Variants in PTH2R observed in about 807,000 individuals in gnomAD.
PTH2R encodes the protein PTH2 receptor.
PTH2R carries 59 observed loss-of-function variants against 60.3 expected under a neutral mutation model. The observed-to-expected ratio is 0.98, with a 90% CI of 0.79 to 1.22. The LOEUF (loss-of-function observed/expected upper bound fraction) is 1.22, where lower values mean the gene tolerates loss of function less well. Ranked by LOEUF, PTH2R falls within the 50% of genes most tolerant of loss-of-function variation. The pLI is 0.00. For synonymous variants in PTH2R, 256 were observed against 243.8 expected (o/e 1.05, Z -0.47); for missense variants, 749 against 682.6 (o/e 1.10, Z -1.08).
intron 2 of PTH2R, among the ~76,000 whole-genome samples, chr2:208,432,007 T>C (rs1286884800): frequency 6.6e-6 from 1 of 152,222 alleles, no homozygotes; most frequent in Non-Finnish European, 1.5e-5. Flanking sequence ...TCTAATAGTG[T>C]CTGAAAAGGG....
At chr2:208,418,404 A>G (rs950497895) in intron 1 of PTH2R, among the ~76,000 whole-genome samples, 6 of 151,922 alleles carry the variant, frequency 3.9e-5, no homozygotes, top group Non-Finnish European at 7.4e-5. Context: ...AAATTTTATT[A>G]GTGAGTATAA....
chr2:208,414,343 A>C (rs1352536774), intron 1 of PTH2R, among the ~76,000 whole-genome samples: 1 of 152,190 alleles, frequency 6.6e-6, no homozygotes, highest in Non-Finnish European at 1.5e-5. Flanking sequence ...AATATAATTT[A>C]ATAAAAGTGG....
At chr2:208,456,450 T>C (rs1046366977) in intron 8 of PTH2R, among the ~76,000 whole-genome samples, 1 of 152,230 alleles carries the variant, frequency 6.6e-6, no homozygotes. Flanking sequence ...ACTTCTTTGC[T>C]GTATTTTTGT....
In PTH2R at chr2:208,481,050, A is replaced by T; in HGVS notation, c.982-20A>T. On this transcript the variant is annotated intron_variant, in intron 9 of 12. Transcript: ENST00000272847. ...TTGAAGACTAACAATAATTCTTTGTAATCTTACCTTCTTTTTCAGCTGAAT... is the reference window on the plus strand; with the variant it reads ...TTGAAGACTAACAATAATTCTTTGTTATCTTACCTTCTTTTTCAGCTGAAT... 6.7e-7 allele frequency: 1 copy of T among 1,492,070 alleles called. No homozygotes were observed. Among genetic ancestry groups the T allele is most frequent in the Non-Finnish European group, 9.3e-7 (1 of 1,078,396 alleles). The allele number at this position is 1,492,070 out of a possible 1,614,324, so 92.4% of individuals were successfully genotyped here.
chr2:208,456,120 T>C (rs1471008768), intron 8 of PTH2R, among the ~76,000 whole-genome samples: 1 of 152,002 alleles, frequency 6.6e-6, no homozygotes, highest in Non-Finnish European at 1.5e-5. Context: ...TGCGTGCCTG[T>C]AATTCCAAAT....
intron 5 of PTH2R, among the ~76,000 whole-genome samples, chr2:208,443,086 A>G (rs928789047): frequency 1.3e-5 from 2 of 152,244 alleles, no homozygotes; most frequent in East Asian, 1.9e-4. Flanking sequence ...ATCTATTTAC[A>G]TAGCATTCAC....
chr2:208,405,853 C>T (rs910745409), upstream of PTH2R, among the ~76,000 whole-genome samples: 1 of 152,140 alleles, frequency 6.6e-6, no homozygotes, highest in Non-Finnish European at 1.5e-5. Context: ...ATCCCTTCTG[C>T]CATGTGAGGT....
intron 2 of PTH2R, among the ~76,000 whole-genome samples, chr2:208,431,158 A>G (rs989145108): frequency 2.6e-5 from 4 of 152,064 alleles, no homozygotes; most frequent in African/African-American, 4.8e-5. Flanking sequence ...TTCTTCATAT[A>G]TATTTTCCAG....
At chr2:208,450,086 C>A (rs1247046148) in intron 7 of PTH2R, among the ~76,000 whole-genome samples, 3 of 152,112 alleles carry the variant, frequency 2.0e-5, no homozygotes, top group Non-Finnish European at 4.4e-5. Flanking sequence ...TACTGGGGGG[C>A]AAACGAAAGT....
In PTH2R at chr2:208,489,105, G is replaced by C. The variant is rs1559235240; in HGVS notation, c.1170G>C (p.Gly390=). The C allele has an allele frequency of 6.2e-7, 1 of 1,614,160 alleles. No homozygotes were observed. ...TGCCTCACTCCTTCACTGGGCTCGG[G>C]TGGGAGATCCGCATGCACTGTGAGC... ...VCLPHSFTGL[G]WEIRMHCELF... is the part of the protein sequence containing the mutation. The change falls in exon 11 of 13, where the codon GGG becomes GGC. Residue 390 remains glycine (G), a synonymous_variant. Transcript: ENST00000272847.
In PTH2R at chr2:208,493,865, A is replaced by G; in HGVS notation, c.*206A>G. 1 of 440,334 alleles carries G rather than the reference A, an allele frequency of 2.3e-6. No homozygotes were observed. The highest frequency in any genetic ancestry group is 3.6e-5 in the East Asian group (1 of 27,784). The allele number at this position is 440,334 out of a possible 1,614,324, so 27.3% of individuals were successfully genotyped here. ...TCAATGGAGTAGTTTATTACCTTCT[A>G]TTGGCATCAAGTTTTCCTCTAAATT... is the stretch of plus-strand genomic sequence containing the variant. On this transcript the variant is annotated 3_prime_UTR_variant, in exon 13 of 13. Transcript: ENST00000272847.
Position 208,493,564 on chromosome 2 carries a change from C to G in PTH2R, c.1558C>G (p.Gln520Glu). 3 of 1,613,474 alleles carry G rather than the reference C, an allele frequency of 1.9e-6. No individual in the cohort carries two copies. In the South Asian group the frequency reaches 3.3e-5, roughly 18 times the overall value. Residue 520 changes from glutamine (Q) to glutamate (E), a missense_variant, in exon 13 of 13, where the codon CAG becomes GAG. Coordinates refer to ENST00000272847, the MANE Select transcript of PTH2R (RefSeq NM_005048.4). ...HEETKEDSGRQGDDILMEKPS... is the reference protein window; with the variant it reads ...HEETKEDSGREGDDILMEKPS... ...GGAGACCAAGGAAGATAGTGGGAGG[C>G]AGGGAGATGATATTCTAATGGAGAA...
At chr2:208,476,611 A>C (rs985294338) in intron 9 of PTH2R, among the ~76,000 whole-genome samples, 1 of 152,240 alleles carries the variant, frequency 6.6e-6, no homozygotes, top group Non-Finnish European at 1.5e-5. Context: ...GCAAATAAAC[A>C]AAGCAAAAAA....
chr2:208,415,465 T>C (rs1701622510), intron 1 of PTH2R, among the ~76,000 whole-genome samples: 1 of 152,222 alleles, frequency 6.6e-6, no homozygotes, highest in African/African-American at 2.4e-5. Flanking sequence ...ACTTGACATA[T>C]TTCAAGTGCT....
intron 1 of PTH2R, among the ~76,000 whole-genome samples, chr2:208,410,772 G>A (rs575270275): frequency 6.6e-6 from 1 of 152,292 alleles, no homozygotes; most frequent in Admixed American, 6.5e-5. Flanking sequence ...TTGTGTGTGT[G>A]TGTGTGTGTC....
chr2:208,413,672 T>G (rs191989711), intron 1 of PTH2R, among the ~76,000 whole-genome samples: 1 of 152,358 alleles, frequency 6.6e-6, no homozygotes, highest in Admixed American at 6.5e-5. Flanking sequence ...GTTTTCTATG[T>G]GTTGCTGAAA....
Position 208,369,613 on chromosome 2 carries a change from C to G in PTH2R, c.-259+9376C>G, listed in dbSNP as rs945807003. ...CCTCAAGTGATCCGCCAGCCTCGGC[C>G]TCCCAAAGTGCTGGGATTACAAGCG... is the stretch of plus-strand genomic sequence containing the variant. On this transcript the variant is annotated intron_variant, in intron 1 of 12. Coordinates refer to the PTH2R transcript ENST00000617735. 1.3e-5 allele frequency among the ~76,000 whole-genome samples: 2 copies of G among 152,018 alleles called. 1 individual carries two copies. Among genetic ancestry groups the G allele is most frequent in the African/African-American group, 4.8e-5 (2 of 41,298 alleles).
intron 1 of PTH2R, among the ~76,000 whole-genome samples, chr2:208,421,287 C>T (rs756527909): frequency 6.6e-6 from 1 of 151,920 alleles, no homozygotes; most frequent in Admixed American, 6.6e-5. Context: ...ATCAACTGAT[C>T]TTCAGATTTA....
Position 208,481,058 on chromosome 2 carries a change from C to T in PTH2R, c.982-12C>T, listed in dbSNP as rs1194199630. On this transcript the variant is annotated splice_polypyrimidine_tract_variant and intron_variant, in intron 9 of 12. Transcript: ENST00000272847. ...TAACAATAATTCTTTGTAATCTTAC[C>T]TTCTTTTTCAGCTGAATTTTATTCT... The T allele has an allele frequency of 6.5e-7, 1 of 1,544,316 alleles. No individual in the cohort carries two copies. Among genetic ancestry groups the T allele is most frequent in the Non-Finnish European group, 8.9e-7 (1 of 1,124,370 alleles).
Sources: allele counts gnomAD v4.1 joint callset (sites outside exome capture counted in the v4.1 genomes callset), GRCh38; gene constraint gnomAD v4.1.1; transcripts MANE v1.5; gene names NCBI Gene and HGNC (gene_info 2026-07-23, HGNC 2026-07-21).